Variants in DAB1 observed in about 807,000 individuals in gnomAD.
The protein encoded by DAB1 is disabled homolog 1.
Under a neutral mutation model 64.6 loss-of-function variants are expected in DAB1, and 15 were observed. The ratio of observed to expected loss-of-function variants is 0.23; its 90% CI spans 0.16 to 0.36. DAB1 has a LOEUF of 0.36. Among genes scored for constraint, DAB1 ranks in the 10% least tolerant of loss-of-function variants. The probability of loss-of-function intolerance (pLI) is 1.00; values close to 1 mark genes in which losing one functional copy is unlikely to be tolerated. For missense variants in DAB1, 596 were observed against 706.7 expected, an observed-to-expected ratio of 0.84 and a Z score of 1.78; for synonymous variants, 235 against 251.9, an observed-to-expected ratio of 0.93 and a Z score of 0.64.
intron 7 of DAB1, among the ~76,000 whole-genome samples, chr1:57,452,188 G>C (rs1418214036): frequency 2.1e-4 from 2 of 9,322 alleles, no homozygotes; most frequent in African/African-American, 9.0e-4. Context: ...TTTTTTTTTT[G>C]ACATGGTCTT....
At chr1:57,464,924 G>T (rs1469218547) in intron 7 of DAB1, among the ~76,000 whole-genome samples, 2 of 151,000 alleles carry the variant, frequency 1.3e-5, no homozygotes, top group Non-Finnish European at 2.9e-5. Context: ...CAATTCCAGA[G>T]ATAACAAAGG....
At chr1:57,516,277 G>A (rs1644462437) in intron 7 of DAB1, among the ~76,000 whole-genome samples, 1 of 152,168 alleles carries the variant, frequency 6.6e-6, no homozygotes, top group Non-Finnish European at 1.5e-5. Context: ...AATTAAGTAA[G>A]TACATACTAA....
chr1:58,036,484 C>T (rs915789876), intron 5 of DAB1, among the ~76,000 whole-genome samples: 4 of 152,172 alleles, frequency 2.6e-5, no homozygotes, highest in Admixed American at 1.3e-4. Context: ...TTCTTATAGT[C>T]GCCACTAAAT....
intron 7 of DAB1, among the ~76,000 whole-genome samples, chr1:57,585,834 G>A (rs2101560846): frequency 6.6e-6 from 1 of 152,260 alleles, no homozygotes; most frequent in East Asian, 1.9e-4. Flanking sequence ...GTATAATCTG[G>A]TCAAGTATAT....
At chr1:57,803,778 CTT>C (rs1651238762) in intron 6 of DAB1, among the ~76,000 whole-genome samples, 1 of 152,214 alleles carries the variant, frequency 6.6e-6, no homozygotes, top group South Asian at 2.1e-4. Context: ...TCTGTTTTCT[CTT>C]GAGATAAGCT....
chr1:58,250,593 A>G (rs956306136), intron 4 of DAB1, among the ~76,000 whole-genome samples: 1 of 152,178 alleles, frequency 6.6e-6, no homozygotes, highest in Non-Finnish European at 1.5e-5. Flanking sequence ...TTCGCCACCT[A>G]GCGCGGAATG....
At chr1:57,410,590 C>T (rs1684029307) in intron 1 of DAB1, among the ~76,000 whole-genome samples, 1 of 152,192 alleles carries the variant, frequency 6.6e-6, no homozygotes, top group African/African-American at 2.4e-5. Flanking sequence ...CTAGTCCAGT[C>T]CCCAAGTCCC....
At chr1:58,147,306 C>CA (rs1192982112) in intron 5 of DAB1, among the ~76,000 whole-genome samples, 9,047 of 41,566 alleles carry the variant, frequency 0.22, 1,308 homozygotes, top group East Asian at 0.36. Context: ...GACTCCGTCT[C>CA]AAAAAAAAAA....
intron 6 of DAB1, among the ~76,000 whole-genome samples, chr1:57,732,577 T>C (rs955169202): frequency 2.0e-5 from 3 of 152,188 alleles, no homozygotes; most frequent in African/African-American, 7.2e-5. Flanking sequence ...AATAAACTCA[T>C]GGTGCAGGAA....
chr1:58,422,078 A>T (rs1569757670), intron 3 of DAB1, among the ~76,000 whole-genome samples: 1 of 152,064 alleles, frequency 6.6e-6, no homozygotes, highest in South Asian at 2.1e-4. Flanking sequence ...CAAGGGTTAA[A>T]TAACCTTGGC....
intron 2 of DAB1, among the ~76,000 whole-genome samples, chr1:58,507,954 A>C (rs1646015287): frequency 6.6e-6 from 1 of 152,220 alleles, no homozygotes; most frequent in Non-Finnish European, 1.5e-5. Flanking sequence ...TTCACGAATT[A>C]TCTAACATGA....
chr1:57,818,756 T>TTA lies in DAB1; in HGVS notation n.551+65241_551+65242dup, dbSNP rs140290222. On this transcript the variant is annotated intron_variant and non_coding_transcript_variant, in intron 6 of 20. Transcript: ENST00000485760. ...TAAATCAAGTCTGCTAATAACTACA[T>TTA]TATATATATATATATAATATTTATT... Among the ~76,000 whole-genome samples the TTA allele has an allele frequency of 8.6e-3, 1,281 of 148,224 alleles. 10 individuals carry two copies. Among genetic ancestry groups the TTA allele is most frequent in the African/African-American group, 0.026 (1,050 of 40,688 alleles).
chr1:57,997,937 A>G (rs888415969), intron 5 of DAB1, among the ~76,000 whole-genome samples: 4 of 152,116 alleles, frequency 2.6e-5, no homozygotes, highest in Non-Finnish European at 2.9e-5. Flanking sequence ...GCACATGAAC[A>G]AATCACTGTA....
chr1:58,092,705 C>T (rs966662627), intron 5 of DAB1, among the ~76,000 whole-genome samples: 6 of 152,096 alleles, frequency 3.9e-5, no homozygotes, highest in Admixed American at 6.5e-5. Context: ...CTTGAATATA[C>T]GTCTAAGTAG....
At chr1:57,617,767 A>C (rs1022558290) in intron 7 of DAB1, among the ~76,000 whole-genome samples, 6 of 152,214 alleles carry the variant, frequency 3.9e-5, no homozygotes, top group Non-Finnish European at 7.3e-5. Flanking sequence ...AAGAAATTTC[A>C]AACTCCTTTT....
intron 5 of DAB1, among the ~76,000 whole-genome samples, chr1:58,041,623 C>G (rs1231773525): frequency 1.3e-5 from 2 of 152,166 alleles, no homozygotes; most frequent in African/African-American, 2.4e-5. Flanking sequence ...GTGGAGATTC[C>G]AAGTCAGTCT....
At chr1:58,263,461 C>T (rs1420931268) in intron 4 of DAB1, among the ~76,000 whole-genome samples, 1 of 152,058 alleles carries the variant, frequency 6.6e-6, no homozygotes, top group African/African-American at 2.4e-5. Flanking sequence ...CTGGAAATCA[C>T]GTAGCTCAAT....
chr1:57,609,898 A>T lies in DAB1; in HGVS notation n.625+39694T>A, dbSNP rs1479788215. ...TGTTTGAGACAGTCCTGTTGTATTT[A>T]AAAAATAACATACTCGACAAATAGA... On this transcript the variant is annotated intron_variant and non_coding_transcript_variant, in intron 7 of 20. Transcript: ENST00000485760. Among the ~76,000 whole-genome samples the T allele has an allele frequency of 2.0e-5, 3 of 152,194 alleles. No individual in the cohort carries two copies. In the East Asian group the frequency reaches 5.8e-4, roughly 29 times the overall value.
At chr1:58,127,237 C>G (rs376383936) in intron 5 of DAB1, among the ~76,000 whole-genome samples, 1 of 152,026 alleles carries the variant, frequency 6.6e-6, no homozygotes, top group African/African-American at 2.4e-5. Context: ...TCATGTGTTT[C>G]TTGGCTGCAT....
Sources: gnomAD v4.1 joint callset for allele counts (sites outside exome capture counted in the v4.1 genomes callset) on GRCh38, gnomAD v4.1.1 for gene constraint, MANE v1.5 for transcripts, NCBI Gene and HGNC (gene_info 2026-07-23, HGNC 2026-07-21) for gene names.